Variants in ULK4 observed in about 807,000 individuals in gnomAD.
ULK4 encodes inactive serine/threonine-protein kinase ULK4.
In ULK4, 133 loss-of-function variants were observed where a neutral mutation model predicts 160.6. That is an observed-to-expected ratio of 0.83 (90% CI 0.72 to 0.96). ULK4 has a LOEUF of 0.96. Ranked by LOEUF, ULK4 falls within the 40% of genes least tolerant of loss-of-function variation. The probability of loss-of-function intolerance (pLI) is 0.00; values close to 1 mark genes in which losing one functional copy is unlikely to be tolerated. For synonymous variants in ULK4, 534 were observed against 539.8 expected, an observed-to-expected ratio of 0.99 and a Z score of 0.15; for missense variants, 1,580 against 1,499.5, an observed-to-expected ratio of 1.05 and a Z score of -0.89.
Position 41,405,595 on chromosome 3 carries a change from G to A in ULK4, c.3493-7331C>T, listed in dbSNP as rs139461883. 2.2e-3 allele frequency among the ~76,000 whole-genome samples: 330 copies of A among 152,270 alleles called. 4 individuals are homozygous for A. The highest frequency in any genetic ancestry group is 7.8e-3 in the African/African-American group (325 of 41,566). ...ACTAATTTACTTTACCACCAACAGT[G>A]TATAAGCATCCTCTTTTCTCCACAG... On this transcript the variant is annotated intron_variant, in intron 34 of 36. Coordinates refer to ENST00000301831, the MANE Select transcript of ULK4 (RefSeq NM_017886.4).
intron 30 of ULK4, among the ~76,000 whole-genome samples, chr3:41,650,057 G>A (rs772657495): frequency 3.3e-5 from 5 of 151,956 alleles, no homozygotes; most frequent in African/African-American, 4.8e-5. Context: ...CCTGTGGAAG[G>A]GAGCTACCCA....
At chr3:41,391,277 C>A (rs563107289) in intron 35 of ULK4, among the ~76,000 whole-genome samples, 2 of 152,128 alleles carry the variant, frequency 1.3e-5, no homozygotes, top group African/African-American at 4.8e-5. Flanking sequence ...TTAAGAGCAT[C>A]CTCTCATGGT....
At chr3:41,258,438 T>C (rs2078877256) in intron 35 of ULK4, 1 of 152,206 alleles carries the variant, frequency 6.6e-6, no homozygotes, top group Admixed American at 6.5e-5. Context: ...AGAGGGAGTA[T>C]TCCAGCGACA....
intron 30 of ULK4, among the ~76,000 whole-genome samples, chr3:41,632,212 G>A (rs2033775347): frequency 6.6e-6 from 1 of 152,182 alleles, no homozygotes; most frequent in South Asian, 2.1e-4. Flanking sequence ...AGAAAGAATT[G>A]ACAGTGGCAG....
chr3:41,484,002 T>C (rs2084417912), intron 32 of ULK4, among the ~76,000 whole-genome samples: 1 of 152,172 alleles, frequency 6.6e-6, no homozygotes, highest in East Asian at 1.9e-4. Flanking sequence ...ATACCTTGAC[T>C]TTGGACTTCT....
chr3:41,665,634 GA>G (rs1438902094), intron 29 of ULK4, among the ~76,000 whole-genome samples: 4 of 151,892 alleles, frequency 2.6e-5, no homozygotes, highest in African/African-American at 9.7e-5. Context: ...TTTCAAGAAT[GA>G]AAAAAATCAA....
At chr3:41,836,178 A>G (rs1206460511) in intron 17 of ULK4, among the ~76,000 whole-genome samples, 1 of 149,196 alleles carries the variant, frequency 6.7e-6, no homozygotes, top group Non-Finnish European at 1.5e-5. Flanking sequence ...AAATAAACAC[A>G]TATAGCCCTT....
At chr3:41,695,575 G>T (rs766860609) in intron 27 of ULK4, among the ~76,000 whole-genome samples, 23 of 152,202 alleles carry the variant, frequency 1.5e-4, no homozygotes, top group Non-Finnish European at 2.9e-4. Context: ...GCCAAATCTG[G>T]AAAATATCAG....
intron 35 of ULK4, among the ~76,000 whole-genome samples, chr3:41,306,105 C>CA (rs1246834402): frequency 7.1e-6 from 1 of 140,126 alleles, no homozygotes. Flanking sequence ...TCCGCCCGGC[C>CA]GCCACCCCGT....
At chr3:41,884,147 G>A (rs141774185) in intron 16 of ULK4, among the ~76,000 whole-genome samples, 195 bp from the exon 17 acceptor site, 76 of 152,244 alleles carry the variant, frequency 5.0e-4, no homozygotes, top group African/African-American at 1.7e-3. Context: ...AGGGAGACAC[G>A]AACCGTAATG....
intron 31 of ULK4, among the ~76,000 whole-genome samples, chr3:41,597,024 C>T (rs1169784801): frequency 6.6e-6 from 1 of 152,102 alleles, no homozygotes; most frequent in Non-Finnish European, 1.5e-5. Flanking sequence ...TGTTGCAGCT[C>T]CCTTGGGTTG....
At chr3:41,292,443 G>A (rs1193662988) in intron 35 of ULK4, among the ~76,000 whole-genome samples, 5 of 152,112 alleles carry the variant, frequency 3.3e-5, no homozygotes, top group Admixed American at 6.5e-5. Context: ...TCAGGAGTTC[G>A]AGACCAACCA....
chr3:41,302,306 CTTA>C (rs984890349), intron 35 of ULK4, among the ~76,000 whole-genome samples: 2 of 152,048 alleles, frequency 1.3e-5, no homozygotes, highest in South Asian at 2.1e-4. Context: ...TTTTCCTTAA[CTTA>C]TTATTAAGTA....
rs773925415 is a variant in ULK4 at position 41,249,491 on chromosome 3, A to T, written c.3762T>A (p.Ser1254Arg). ...TGATCCTCCTGGGTCCCACTTACCC[A>T]CTCCCAGGGGCCAGCCGCTCCAGAG... ...LRALERLAPG[S>R]GSFADSAVAP... Residue 1254 changes from serine to arginine, a missense_variant and splice_region_variant, in exon 36 of 37, where the codon AGT (serine) becomes AGA (arginine). Coordinates refer to ENST00000301831, the MANE Select transcript of ULK4 (RefSeq NM_017886.4). The T allele has an allele frequency of 4.3e-6, 7 of 1,612,964 alleles. No individual in the cohort carries two copies. The Admixed American group carries it at 1.2e-4, about 27-fold the overall frequency.
chr3:41,319,064 G>A (rs1008476261), intron 35 of ULK4, among the ~76,000 whole-genome samples: 7 of 152,142 alleles, frequency 4.6e-5, no homozygotes, highest in Admixed American at 2.0e-4. Context: ...ATGAGTTTAG[G>A]TATTTCTTGC....
intron 35 of ULK4, among the ~76,000 whole-genome samples, chr3:41,377,106 C>G (rs954985002): frequency 9.2e-5 from 14 of 152,106 alleles, no homozygotes; most frequent in African/African-American, 3.1e-4. Flanking sequence ...ACAAACCTGA[C>G]AAAAACAAGA....
intron 35 of ULK4, among the ~76,000 whole-genome samples, chr3:41,380,936 C>G (rs1458425037): frequency 6.6e-6 from 1 of 152,086 alleles, no homozygotes; most frequent in Non-Finnish European, 1.5e-5. Flanking sequence ...GTGTCTCATG[C>G]CCCTGAGCTG....
chr3:41,325,673 T>G (rs1242522296), intron 35 of ULK4, among the ~76,000 whole-genome samples: 2 of 152,086 alleles, frequency 1.3e-5, no homozygotes, highest in Non-Finnish European at 2.9e-5. Flanking sequence ...CCCAGCACTT[T>G]GGGAGGCTGA....
At chr3:41,292,205 A>C (rs1191310684) in intron 35 of ULK4, among the ~76,000 whole-genome samples, 1 of 152,244 alleles carries the variant, frequency 6.6e-6, no homozygotes, top group African/African-American at 2.4e-5. Context: ...AATGGCAACA[A>C]CAATAACTAC....
Sources: gnomAD v4.1 joint callset for allele counts (sites outside exome capture counted in the v4.1 genomes callset) on GRCh38, gnomAD v4.1.1 for gene constraint, MANE v1.5 for transcripts, NCBI Gene and HGNC (gene_info 2026-07-23, HGNC 2026-07-21) for gene names.